The following MTA3 variants were observed in gnomAD, a reference collection of about 807,000 sequenced individuals.
MTA3 encodes metastasis associated 1 family member 3, also known as metastasis-associated protein MTA3.
A neutral mutation model predicts 83.5 loss-of-function variants in MTA3; 34 were observed. The observed-to-expected ratio is 0.41, with a 90% CI of 0.31 to 0.54. The LOEUF is 0.54. Among genes scored for constraint, MTA3 ranks in the 20% least tolerant of loss-of-function variants. The pLI is 0.33. For synonymous variants in MTA3, 303 were observed against 252.7 expected (o/e 1.20, Z -1.89); for missense variants, 761 against 726.4 (o/e 1.05, Z -0.55).
upstream of MTA3, among the ~76,000 whole-genome samples, chr2:42,567,892 C>A (rs2103814910): frequency 6.6e-6 from 1 of 152,336 alleles, no homozygotes; most frequent in South Asian, 2.1e-4. Flanking sequence ...CCCAGCAGAA[C>A]AGGCCCTGCA....
rs905614259 is a variant in MTA3 at position 42,756,185 on chromosome 2, C to T, written c.*2786C>T. 5 of 276,812 alleles carry T rather than the reference C, an allele frequency of 1.8e-5. No homozygotes were observed. The highest frequency in any genetic ancestry group is 9.1e-5 in the African/African-American group (4 of 43,794). 17.1% of individuals were successfully genotyped at this position (276,812 alleles called of 1,614,324 possible). On this transcript the variant is annotated 3_prime_UTR_variant, in exon 17 of 17. Transcript: ENST00000405094. ...ACTGGCTGGGCACCAGGGGAGGACG[C>T]GTCACCAGAGCCTGGGGCCAAGGCC...
intron 15 of MTA3, among the ~76,000 whole-genome samples, chr2:42,721,330 C>CTTTTTTT (rs773375150): frequency 1.4e-5 from 2 of 138,196 alleles, no homozygotes; most frequent in Non-Finnish European, 3.2e-5. Flanking sequence ...TTTTCTTTTT[C>CTTTTTTT]TTTTTTTTTT....
intron 16 of MTA3, among the ~76,000 whole-genome samples, chr2:42,723,542 A>C (rs1667584715): frequency 6.6e-6 from 1 of 152,206 alleles, no homozygotes; most frequent in Non-Finnish European, 1.5e-5. Flanking sequence ...ATACAGAAAT[A>C]ATAATTTGCT....
At position 42,663,168 on chromosome 2, in the gene MTA3, G is replaced by C. The variant is rs1689890563; in HGVS notation, c.702+3306G>C. Among the ~76,000 whole-genome samples, 5 of 152,166 alleles carry C rather than the reference G, an allele frequency of 3.3e-5. No homozygotes were observed. The South Asian group carries it at 1.0e-3, about 32-fold the overall frequency. On this transcript the variant is annotated intron_variant, in intron 8 of 16. Transcript: ENST00000405094. ...TATTCTTATGAGATACTGCTTCTCA[G>C]ATTATAACTGGGGATGTGGTCCCTG...
At chr2:42,504,008 C>T (rs559732765) in intron 2 of MTA3, among the ~76,000 whole-genome samples, 19 of 150,112 alleles carry the variant, frequency 1.3e-4, no homozygotes, top group Non-Finnish European at 2.1e-4. Context: ...ACTGCAACCT[C>T]CACCTCCCGG....
intron 4 of MTA3, among the ~76,000 whole-genome samples, chr2:42,631,176 A>T (rs945544631): frequency 5.9e-5 from 9 of 152,320 alleles, no homozygotes; most frequent in East Asian, 5.8e-4. Context: ...GATACCTATA[A>T]GTAGTGCTCC....
chr2:42,731,020 A>G (rs1668193930), intron 16 of MTA3, among the ~76,000 whole-genome samples: 1 of 152,056 alleles, frequency 6.6e-6, no homozygotes, highest in African/African-American at 2.4e-5. Context: ...GTCTCTAATG[A>G]TCCTCTGAAT....
At chr2:42,640,873 T>G (rs924470386) in intron 5 of MTA3, among the ~76,000 whole-genome samples, 25 of 152,156 alleles carry the variant, frequency 1.6e-4, no homozygotes, top group African/African-American at 6.0e-4. Context: ...CTTTATGATT[T>G]TTTTCTTCTC....
chr2:42,704,560 T>G (rs1301845387), intron 12 of MTA3, among the ~76,000 whole-genome samples: 1 of 152,212 alleles, frequency 6.6e-6, no homozygotes, highest in Non-Finnish European at 1.5e-5. Context: ...CTCTTGTGGT[T>G]TGTTGATTAT....
At chr2:42,621,062 C>T (rs1352409903) in intron 4 of MTA3, among the ~76,000 whole-genome samples, 1 of 141,616 alleles carries the variant, frequency 7.1e-6, no homozygotes, top group East Asian at 2.0e-4. Context: ...TCAGTTATAC[C>T]TCAGTAAAGC....
At chr2:42,535,787 G>T (rs1482265847) in intron 2 of MTA3, among the ~76,000 whole-genome samples, 1 of 152,088 alleles carries the variant, frequency 6.6e-6, no homozygotes. Context: ...GGATCCTGGG[G>T]GTGGTCCTAC....
rs533049182 is a variant in MTA3, at chr2:42,523,766, C to G, written c.-141+28512C>G. On this transcript the variant is annotated intron_variant, in intron 2 of 17. Transcript: ENST00000405592. ...CTTCTCTAACAAAACAAAAACAAAACAAATAGCTGGGTGTGGTGGTGCATG... is the reference window on the plus strand; with the variant it reads ...CTTCTCTAACAAAACAAAAACAAAAGAAATAGCTGGGTGTGGTGGTGCATG... Among the ~76,000 whole-genome samples, 4 of 151,980 alleles carry G rather than the reference C, an allele frequency of 2.6e-5. No individual in the cohort carries two copies. In the South Asian group the frequency reaches 8.3e-4, roughly 32 times the overall value.
chr2:42,628,891 G>A (rs75051977), intron 4 of MTA3, among the ~76,000 whole-genome samples: 2,118 of 150,932 alleles, frequency 0.014, 51 homozygotes, highest in African/African-American at 0.048. Context: ...TATTTTATGT[G>A]TAAGCAGAAT....
At chr2:42,592,622 A>G (rs1219970318) in intron 3 of MTA3, among the ~76,000 whole-genome samples, 4 of 152,178 alleles carry the variant, frequency 2.6e-5, no homozygotes, top group Non-Finnish European at 5.9e-5. Context: ...TTTTTTATTA[A>G]CAATGAAAAC....
chr2:42,540,205 A>C, intron 2 of MTA3, among the ~76,000 whole-genome samples: 1 of 129,506 alleles, frequency 7.7e-6, no homozygotes, highest in Non-Finnish European at 1.6e-5. Context: ...ACAGGGTCTC[A>C]CTCTGTCACT....
At chr2:42,520,911 C>T (rs1194449830) in intron 2 of MTA3, among the ~76,000 whole-genome samples, 1 of 152,180 alleles carries the variant, frequency 6.6e-6, no homozygotes, top group African/African-American at 2.4e-5. Context: ...GAGCTCCCTA[C>T]TGCTGACCTC....
intron 9 of MTA3, 138 bp from the exon 10 acceptor site, chr2:42,695,627 T>C (rs2104470848): frequency 2.0e-6 from 1 of 493,794 alleles, no homozygotes; most frequent in Non-Finnish European, 3.2e-6. Flanking sequence ...AAAGTGACAG[T>C]CTATCTCAAA....
chr2:42,642,631 C>A (rs1383510985), intron 5 of MTA3, among the ~76,000 whole-genome samples: 2 of 148,794 alleles, frequency 1.3e-5, no homozygotes, highest in East Asian at 3.9e-4. Context: ...TCCCCTGTAG[C>A]TTTGTTAAGT....
rs936877014 is a variant in MTA3, at chr2:42,755,881, C to G, written c.*2482C>G. ...CTGCAGGCTATCTCCCCCTCTGGCT[C>G]AGTCATCGCCTGCCCACCCTTCACT... On this transcript the variant is annotated 3_prime_UTR_variant, in exon 17 of 17. Transcript: ENST00000405094. 6 of 985,326 alleles carry G rather than the reference C, an allele frequency of 6.1e-6. No individual in the cohort carries two copies. The African/African-American group carries it at 1.0e-4, about 17-fold the overall frequency. The allele number at this position is 985,326 out of a possible 1,614,324, so 61.0% of individuals were successfully genotyped here.
Sources: gnomAD v4.1 joint callset for allele counts (sites outside exome capture counted in the v4.1 genomes callset) on GRCh38, gnomAD v4.1.1 for gene constraint, MANE v1.5 for transcripts, NCBI Gene and HGNC (gene_info 2026-07-23, HGNC 2026-07-21) for gene names.